The following COMMD10 variants were observed in gnomAD, a reference collection of about 807,000 sequenced individuals.
COMMD10 encodes the protein COMM domain-containing protein 10.
In COMMD10, 33 loss-of-function variants were observed where a neutral mutation model predicts 28.9. The observed-to-expected ratio is 1.14, with a 90% CI of 0.87 to 1.53. The LOEUF (loss-of-function observed/expected upper bound fraction) is 1.53. Ranked by LOEUF, COMMD10 falls within the 40% of genes most tolerant of loss-of-function variation. The pLI is 0.00. For missense variants in COMMD10, 310 were observed against 233.4 expected, an observed-to-expected ratio of 1.33 and a Z score of -2.14; for synonymous variants, 110 against 81.7, an observed-to-expected ratio of 1.35 and a Z score of -1.87.
intron 5 of COMMD10, among the ~76,000 whole-genome samples, chr5:116,229,393 G>A (rs1044813796): frequency 5.3e-5 from 8 of 152,084 alleles, no homozygotes; most frequent in Middle Eastern, 3.4e-3. Context: ...TAAAAAGATC[G>A]AATTTACCTT....
chr5:116,243,402 G>T (rs1395077586), intron 5 of COMMD10, among the ~76,000 whole-genome samples: 1 of 152,070 alleles, frequency 6.6e-6, no homozygotes, highest in Non-Finnish European at 1.5e-5. Context: ...TATCACCCCA[G>T]AAGTGAAAAT....
chr5:116,268,331 C>T (rs866670775), intron 5 of COMMD10, among the ~76,000 whole-genome samples: 3,207 of 151,832 alleles, frequency 0.021, 168 homozygotes, highest in African/African-American at 0.073. Flanking sequence ...ATTTATGCAG[C>T]CAAAAAACAC....
At chr5:116,123,757 G>C (rs1330226215) in intron 4 of COMMD10, among the ~76,000 whole-genome samples, 1 of 152,038 alleles carries the variant, frequency 6.6e-6, no homozygotes, top group Non-Finnish European at 1.5e-5. Context: ...GCCTGTTATT[G>C]GTCTATTCAG....
chr5:116,269,524 A>T (rs1228754749), intron 5 of COMMD10, among the ~76,000 whole-genome samples: 1 of 151,906 alleles, frequency 6.6e-6, no homozygotes, highest in African/African-American at 2.4e-5. Flanking sequence ...GGATTAGTCC[A>T]AGTGATATTT....
intron 5 of COMMD10, among the ~76,000 whole-genome samples, chr5:116,227,484 T>A (rs189649180): frequency 1.3e-5 from 2 of 151,940 alleles, no homozygotes; most frequent in Non-Finnish European, 2.9e-5. Context: ...AAATGTTTGT[T>A]CAATTTATAC....
At chr5:116,154,597 G>C (rs1202825496) in intron 5 of COMMD10, among the ~76,000 whole-genome samples, 2 of 152,068 alleles carry the variant, frequency 1.3e-5, no homozygotes, top group African/African-American at 4.8e-5. Flanking sequence ...AATTCTTTCA[G>C]ATAGTTTAGG....
chr5:116,169,172 A>C (rs1326243487), intron 5 of COMMD10, among the ~76,000 whole-genome samples: 1 of 152,216 alleles, frequency 6.6e-6, no homozygotes, highest in African/African-American at 2.4e-5. Flanking sequence ...GGATATCACC[A>C]CTGATCCCAC....
chr5:116,122,041 A>T (rs1294831301), intron 4 of COMMD10, among the ~76,000 whole-genome samples: 2 of 152,006 alleles, frequency 1.3e-5, no homozygotes, highest in African/African-American at 2.4e-5. Flanking sequence ...GGTGTTTTAG[A>T]CATGAAGTCC....
At chr5:116,215,069 T>C (rs1029428754) in intron 5 of COMMD10, among the ~76,000 whole-genome samples, 7 of 152,088 alleles carry the variant, frequency 4.6e-5, no homozygotes, top group African/African-American at 7.2e-5. Context: ...ATCCTTAATA[T>C]AGTTTTTACC....
chr5:116,127,929 A>G (rs1157052498), intron 4 of COMMD10, among the ~76,000 whole-genome samples: 3 of 152,036 alleles, frequency 2.0e-5, no homozygotes, highest in African/African-American at 7.3e-5. Flanking sequence ...GTATAATAAT[A>G]ATAATAATAA....
intron 4 of COMMD10, among the ~76,000 whole-genome samples, chr5:116,132,388 G>A (rs1017365865): frequency 1.3e-5 from 2 of 152,122 alleles, no homozygotes; most frequent in Admixed American, 6.5e-5. Context: ...CATAGCTGGT[G>A]ATAGTTTAAG....
At chr5:116,208,874 C>G (rs1385936177) in intron 5 of COMMD10, among the ~76,000 whole-genome samples, 1 of 152,140 alleles carries the variant, frequency 6.6e-6, no homozygotes, top group Non-Finnish European at 1.5e-5. Context: ...ACAGTTACTG[C>G]TGTGTATTTA....
intron 5 of COMMD10, among the ~76,000 whole-genome samples, chr5:116,138,075 G>C (rs1369043546): frequency 1.3e-5 from 2 of 151,812 alleles, no homozygotes; most frequent in African/African-American, 4.8e-5. Flanking sequence ...GTAGTTGAAG[G>C]AAATGCTAAG....
At chr5:116,155,617 A>T (rs1752680812) in intron 5 of COMMD10, among the ~76,000 whole-genome samples, 2 of 152,132 alleles carry the variant, frequency 1.3e-5, no homozygotes, top group Non-Finnish European at 2.9e-5. Context: ...TGACAAAGTG[A>T]GGAATGTGAC....
rs538440868 is a variant in COMMD10 at position 116,092,159 on chromosome 5, GA to G, written c.244-380del. Among the ~76,000 whole-genome samples, 706 of 152,220 alleles carry G rather than the reference GA, an allele frequency of 4.6e-3. 6 individuals carry two copies. Among genetic ancestry groups the G allele is most frequent in the South Asian group, 0.015 (71 of 4,826 alleles). ...GGTAATTTTGAGAAAGTGCTTCTGG[GA>G]AAAAATTTGTTAGTTGGGAAACAAA... On this transcript the variant is annotated intron_variant, in intron 3 of 6. Coordinates refer to ENST00000274458, the MANE Select transcript of COMMD10 (RefSeq NM_016144.4).
At chr5:116,278,291 A>ACTTGG (rs1750973526) in intron 5 of COMMD10, among the ~76,000 whole-genome samples, 1 of 151,782 alleles carries the variant, frequency 6.6e-6, no homozygotes, top group African/African-American at 2.4e-5. Flanking sequence ...AAACCTCTTA[A>ACTTGG]CTTGCTGATT....
intron 5 of COMMD10, among the ~76,000 whole-genome samples, chr5:116,200,550 T>A (rs1481434930): frequency 6.6e-6 from 1 of 152,108 alleles, no homozygotes; most frequent in Non-Finnish European, 1.5e-5. Context: ...ACAATTTTTA[T>A]CACACATACG....
chr5:116,094,326 A>T (rs1750400539), intron 4 of COMMD10, among the ~76,000 whole-genome samples: 1 of 152,242 alleles, frequency 6.6e-6, no homozygotes, highest in Admixed American at 6.5e-5. Context: ...CTCAACTGCA[A>T]AGTAACTAAT....
At chr5:116,189,529 C>G (rs963102425) in intron 5 of COMMD10, among the ~76,000 whole-genome samples, 1 of 152,108 alleles carries the variant, frequency 6.6e-6, no homozygotes, top group South Asian at 2.1e-4. Flanking sequence ...GTGTGCCATC[C>G]GAATTGTTTC....
Sources: allele counts gnomAD v4.1 joint callset (sites outside exome capture counted in the v4.1 genomes callset), GRCh38; gene constraint gnomAD v4.1.1; transcripts MANE v1.5; gene names NCBI Gene and HGNC (gene_info 2026-07-23, HGNC 2026-07-21).